Variants in RAP1GDS1 observed in about 807,000 individuals in gnomAD.
RAP1GDS1 encodes RAP1, GTP-GDP dissociation stimulator 1.
A neutral mutation model predicts 71.1 loss-of-function variants in RAP1GDS1; 35 were observed. The ratio of observed to expected loss-of-function variants is 0.49; its 90% CI spans 0.38 to 0.65. The LOEUF is 0.65. Ranked by LOEUF, RAP1GDS1 falls within the 30% of genes least tolerant of loss-of-function variation. The probability of loss-of-function intolerance (pLI) is 0.00; values close to 1 mark genes in which losing one functional copy is unlikely to be tolerated. For synonymous variants in RAP1GDS1, 229 were observed against 243.1 expected (o/e 0.94, Z 0.54); for missense variants, 663 against 706.1 (o/e 0.94, Z 0.69).
At chr4:98,326,692 C>A (rs1204140836) in intron 2 of RAP1GDS1, among the ~76,000 whole-genome samples, 1 of 152,120 alleles carries the variant, frequency 6.6e-6, no homozygotes, top group Non-Finnish European at 1.5e-5. Context: ...CTTCACAACC[C>A]TTCTCCTTTG....
At chr4:98,322,870 C>T (rs890614306) in intron 2 of RAP1GDS1, among the ~76,000 whole-genome samples, 3 of 126,700 alleles carry the variant, frequency 2.4e-5, no homozygotes, top group African/African-American at 4.1e-5. Context: ...ACTAGAAAAG[C>T]AAGAGCAAAC....
At chr4:98,319,435 T>C (rs565070691) in intron 2 of RAP1GDS1, among the ~76,000 whole-genome samples, 8 of 152,322 alleles carry the variant, frequency 5.3e-5, no homozygotes, top group Admixed American at 1.3e-4. Context: ...TTTACTGATA[T>C]TTTTTCAGTC....
chr4:98,319,795 AAAAAG>A (rs1228252553), intron 2 of RAP1GDS1, among the ~76,000 whole-genome samples: 1 of 151,584 alleles, frequency 6.6e-6, no homozygotes, highest in African/African-American at 2.4e-5. Context: ...AAAAAAAAAA[AAAAAG>A]AGAGAAATTG....
chr4:98,387,747 G>A (rs1187093917), intron 5 of RAP1GDS1, among the ~76,000 whole-genome samples: 1 of 152,184 alleles, frequency 6.6e-6, no homozygotes, highest in Non-Finnish European at 1.5e-5. Flanking sequence ...TCTAAAGACT[G>A]TCTTTCACAC....
chr4:98,328,746 G>A (rs983115663), intron 2 of RAP1GDS1, among the ~76,000 whole-genome samples: 13 of 152,090 alleles, frequency 8.5e-5, no homozygotes, highest in African/African-American at 2.7e-4. Flanking sequence ...GCACTGGTGC[G>A]ATCTGAGCTC....
intron 2 of RAP1GDS1, among the ~76,000 whole-genome samples, chr4:98,331,973 C>A (rs1270683908): frequency 6.6e-6 from 1 of 152,090 alleles, no homozygotes; most frequent in African/African-American, 2.4e-5. Context: ...AAAATCTTAA[C>A]CCTTACAAAG....
chr4:98,347,907 C>T (rs937392015), intron 3 of RAP1GDS1, among the ~76,000 whole-genome samples: 1 of 152,058 alleles, frequency 6.6e-6, no homozygotes, highest in Non-Finnish European at 1.5e-5. Flanking sequence ...TGAAGAAGGA[C>T]GACTGTCAGC....
rs1449082233 is a variant in RAP1GDS1 at position 98,421,369 on chromosome 4, C to T, written c.1415C>T (p.Ala472Val). 6 of 1,603,946 alleles carry T rather than the reference C, an allele frequency of 3.7e-6. No individual in the cohort carries two copies. Among genetic ancestry groups the T allele is most frequent in the Non-Finnish European group, 5.1e-6 (6 of 1,174,474 alleles). The change falls in exon 12 of 15, where the codon GCC (alanine) becomes GTC (valine). Residue 472 changes from alanine (A) to valine (V), a missense_variant. Physicochemically the swap from Ala to Val is moderately conservative, Grantham distance 64. Coordinates refer to ENST00000408927, the MANE Select transcript of RAP1GDS1 (RefSeq NM_001100427.2). ...GGGGAGTCAAACAGACTGCTGTCTG[C>T]CCTTATACGACACAGTAAATCAAAA... Reference protein sequence around the residue: ...VMGESNRLLSALIRHSKSKDV... With the variant: ...VMGESNRLLSVLIRHSKSKDV...
intron 2 of RAP1GDS1, among the ~76,000 whole-genome samples, chr4:98,342,073 G>A (rs777936193): frequency 6.6e-6 from 1 of 151,894 alleles, no homozygotes; most frequent in Non-Finnish European, 1.5e-5. Context: ...GTAGATTTTA[G>A]CGCTCATAAT....
At chr4:98,299,665 C>G (rs971009664) in intron 2 of RAP1GDS1, among the ~76,000 whole-genome samples, 3 of 149,760 alleles carry the variant, frequency 2.0e-5, no homozygotes, top group Non-Finnish European at 4.4e-5. Flanking sequence ...GACAGAGTCT[C>G]ACTCTGTCGC....
At chr4:98,410,095 C>T (rs1164632224) in intron 7 of RAP1GDS1, among the ~76,000 whole-genome samples, 1 of 152,036 alleles carries the variant, frequency 6.6e-6, no homozygotes, top group Non-Finnish European at 1.5e-5. Context: ...ATAGTGAGGC[C>T]TCATCTCTAC....
At chr4:98,327,528 C>G (rs1166654854) in intron 2 of RAP1GDS1, among the ~76,000 whole-genome samples, 8 of 152,100 alleles carry the variant, frequency 5.3e-5, no homozygotes, top group Non-Finnish European at 8.8e-5. Context: ...TTCATGAGAA[C>G]CCTATTTTCA....
At chr4:98,287,370 C>G (rs940954024) in intron 1 of RAP1GDS1, among the ~76,000 whole-genome samples, 1 of 152,110 alleles carries the variant, frequency 6.6e-6, no homozygotes, top group African/African-American at 2.4e-5. Context: ...CTGCTTGACT[C>G]ACACATAGGA....
intron 6 of RAP1GDS1, among the ~76,000 whole-genome samples, chr4:98,399,538 C>T (rs1432788542): frequency 6.6e-6 from 1 of 152,130 alleles, no homozygotes; most frequent in African/African-American, 2.4e-5. Context: ...AAGCAGTCCA[C>T]CTGCCTTAGC....
At chr4:98,335,858 T>A (rs1441422769) in intron 2 of RAP1GDS1, among the ~76,000 whole-genome samples, 1 of 151,882 alleles carries the variant, frequency 6.6e-6, no homozygotes, top group Non-Finnish European at 1.5e-5. Flanking sequence ...GGAGTAAATT[T>A]TATATCATAC....
At chr4:98,384,480 A>G (rs1198361567) in intron 5 of RAP1GDS1, among the ~76,000 whole-genome samples, 1 of 151,736 alleles carries the variant, frequency 6.6e-6, no homozygotes, top group Non-Finnish European at 1.5e-5. Flanking sequence ...GTTATTTTAA[A>G]CAAATTGTTT....
In RAP1GDS1 at chr4:98,261,505, G is replaced by C. The variant is rs1721958383; in HGVS notation, c.-61G>C. On this transcript the variant is annotated 5_prime_UTR_variant, in exon 1 of 15. Transcript: ENST00000408927. ...GGAGGTAGAGGGAGGACACAGAGCCGCGCCGCCCGCACCACAGACCTTCGC... is the reference window on the plus strand; with the variant it reads ...GGAGGTAGAGGGAGGACACAGAGCCCCGCCGCCCGCACCACAGACCTTCGC... 28 of 1,560,898 alleles carry C rather than the reference G, an allele frequency of 1.8e-5. No individual in the cohort carries two copies. The highest frequency in any genetic ancestry group is 4.4e-6 in the Non-Finnish European group (5 of 1,146,984).
chr4:98,398,462 G>T (rs1395087236), intron 6 of RAP1GDS1, among the ~76,000 whole-genome samples: 1 of 152,132 alleles, frequency 6.6e-6, no homozygotes, highest in Non-Finnish European at 1.5e-5. Context: ...CATCTTACAA[G>T]CTTCTAGAGA....
intron 2 of RAP1GDS1, among the ~76,000 whole-genome samples, chr4:98,301,292 G>T (rs1184315595): frequency 6.6e-6 from 1 of 151,976 alleles, no homozygotes; most frequent in Non-Finnish European, 1.5e-5. Flanking sequence ...AAGTAGTGAA[G>T]ATTCAGTTTT....
Sources: allele counts gnomAD v4.1 joint callset (sites outside exome capture counted in the v4.1 genomes callset), GRCh38; gene constraint gnomAD v4.1.1; transcripts MANE v1.5; gene names NCBI Gene and HGNC (gene_info 2026-07-23, HGNC 2026-07-21).